The following ITPR2 variants were observed in gnomAD, a reference collection of about 807,000 sequenced individuals.
The protein encoded by ITPR2 is inositol 1,4,5-trisphosphate receptor type 2.
In ITPR2, 207 loss-of-function variants were observed where a neutral mutation model predicts 317.1. The ratio of observed to expected loss-of-function variants is 0.65; its 90% CI spans 0.58 to 0.73. ITPR2 has a LOEUF of 0.73. Ranked by LOEUF, ITPR2 falls within the 30% of genes least tolerant of loss-of-function variation. The probability of loss-of-function intolerance (pLI) is 0.00; values close to 1 mark genes in which losing one functional copy is unlikely to be tolerated. For missense variants in ITPR2, 2,613 were observed against 3,284.0 expected (o/e 0.80, Z 4.99); for synonymous variants, 1,156 against 1,149.1 (o/e 1.01, Z -0.12).
intron 45 of ITPR2, among the ~76,000 whole-genome samples, chr12:26,447,171 G>A (rs1302729559): frequency 6.6e-6 from 1 of 151,792 alleles, no homozygotes; most frequent in Non-Finnish European, 1.5e-5. Context: ...TGAAATCAAT[G>A]AAGAAATGGG....
intron 45 of ITPR2, among the ~76,000 whole-genome samples, chr12:26,445,355 G>A (rs79206730): frequency 0.03 from 4,624 of 152,220 alleles, 113 homozygotes; most frequent in Middle Eastern, 0.068. Context: ...GCTGTGCATG[G>A]AGGGGTCGTC....
At chr12:26,425,867 T>C (rs1941044736) in intron 49 of ITPR2, among the ~76,000 whole-genome samples, 1 of 152,110 alleles carries the variant, frequency 6.6e-6, no homozygotes, top group African/African-American at 2.4e-5. Context: ...CTATGAAGAG[T>C]CATTTGCTAT....
chr12:26,358,117 TGGCTCACGCC>T lies in ITPR2; in HGVS notation c.7858-17799_7858-17790del. On this transcript the variant is annotated intron_variant, in intron 55 of 56. Transcript: ENST00000381340. ...AATAAAGTCGTTCGGCCGGGCGCGG[TGGCTCACGCC>T]TGTAATCCCAGCACTTTGGGAGGCC... is the stretch of plus-strand genomic sequence containing the variant. Among the ~76,000 whole-genome samples, 2 of 340 alleles carry T rather than the reference TGGCTCACGCC, an allele frequency of 5.9e-3. 1 individual carries two copies. The highest frequency in any genetic ancestry group is 6.0e-3 in the African/African-American group (2 of 332). 0.2% of individuals were successfully genotyped at this position (340 alleles called of 152,430 possible).
chr12:26,489,617 C>T lies in ITPR2; in HGVS notation c.5371-2366G>A, dbSNP rs372328802. ...AATACATACAAATCACAAAGAACAG[C>T]GCCTTATATTTAGTAGGTATAATTT... On this transcript the variant is annotated intron_variant, in intron 39 of 56. Transcript: ENST00000381340. Among the ~76,000 whole-genome samples, 13 of 152,286 alleles carry T rather than the reference C, an allele frequency of 8.5e-5. 1 individual carries two copies. The highest frequency in any genetic ancestry group is 1.2e-4 in the African/African-American group (5 of 41,556).
chr12:26,723,060 G>C (rs1051335419), intron 4 of ITPR2, among the ~76,000 whole-genome samples: 3 of 152,084 alleles, frequency 2.0e-5, no homozygotes, highest in South Asian at 2.1e-4. Context: ...TACACCTTCT[G>C]CCAGGGGATG....
intron 55 of ITPR2, among the ~76,000 whole-genome samples, chr12:26,347,539 TA>T (rs1382454802): frequency 3.9e-5 from 6 of 152,188 alleles, no homozygotes; most frequent in Admixed American, 6.5e-5. Context: ...CAAGGTCATA[TA>T]GGTGGTGTTA....
At chr12:26,464,433 G>T (rs1046055182) in intron 45 of ITPR2, among the ~76,000 whole-genome samples, 7 of 152,096 alleles carry the variant, frequency 4.6e-5, no homozygotes, top group African/African-American at 7.2e-5. Context: ...ATCTAATAGC[G>T]CCACTGATCT....
At chr12:26,642,437 G>A (rs374917828) in intron 21 of ITPR2, among the ~76,000 whole-genome samples, 44 of 152,100 alleles carry the variant, frequency 2.9e-4, no homozygotes, top group Admixed American at 4.6e-4. Context: ...TAAGTTTAGC[G>A]CTATCTTGCT....
intron 47 of ITPR2, 52 bp downstream of exon 47, chr12:26,439,074 CA>C: frequency 8.7e-7 from 1 of 1,149,220 alleles, no homozygotes; most frequent in Non-Finnish European, 1.2e-6. Flanking sequence ...CCCAAAGTAC[CA>C]AATTATCTAC....
At chr12:26,378,926 A>G (rs922992421) in intron 55 of ITPR2, among the ~76,000 whole-genome samples, 1 of 152,036 alleles carries the variant, frequency 6.6e-6, no homozygotes, top group African/African-American at 2.4e-5. Flanking sequence ...CCTGTCTCCT[A>G]GCCAGGTCTA....
At chr12:26,619,481 T>G (rs1946447285) in intron 26 of ITPR2, among the ~76,000 whole-genome samples, 1 of 152,154 alleles carries the variant, frequency 6.6e-6, no homozygotes, top group African/African-American at 2.4e-5. Flanking sequence ...ACTCCACTGG[T>G]GTAGAGTTTT....
At chr12:26,566,796 TTA>T (rs1217467323) in intron 34 of ITPR2, among the ~76,000 whole-genome samples, 1 of 152,148 alleles carries the variant, frequency 6.6e-6, no homozygotes, top group Admixed American at 6.5e-5. Context: ...ATATCTCTGT[TTA>T]TGTCTTTCAC....
At chr12:26,757,866 G>C (rs1949555266) in intron 2 of ITPR2, among the ~76,000 whole-genome samples, 1 of 152,210 alleles carries the variant, frequency 6.6e-6, no homozygotes, top group South Asian at 2.1e-4. Flanking sequence ...TTTAGGCAGA[G>C]TCCTTAGCAA....
At chr12:26,757,242 G>A (rs977877320) in intron 2 of ITPR2, among the ~76,000 whole-genome samples, 6 of 148,860 alleles carry the variant, frequency 4.0e-5, no homozygotes, top group Non-Finnish European at 8.9e-5. Context: ...TTGAGATGGA[G>A]TCTCACTCTG....
intron 48 of ITPR2, among the ~76,000 whole-genome samples, chr12:26,428,561 T>G (rs1020635617): frequency 6.6e-6 from 1 of 152,156 alleles, no homozygotes; most frequent in African/African-American, 2.4e-5. Flanking sequence ...CTTTATAAAA[T>G]AGACACATGC....
intron 2 of ITPR2, among the ~76,000 whole-genome samples, chr12:26,766,298 T>G (rs868660051): frequency 9.2e-5 from 13 of 141,598 alleles, no homozygotes; most frequent in South Asian, 2.2e-4. Context: ...TTATTATCTG[T>G]TTTTTTTTTG....
At position 26,427,895 on chromosome 12, in the gene ITPR2, G is replaced by A; in HGVS notation, c.6945+18C>T. 1 of 1,503,902 alleles carries A rather than the reference G, an allele frequency of 6.6e-7. No homozygotes were observed. Among genetic ancestry groups the A allele is most frequent in the Admixed American group, 2.2e-5 (1 of 46,212 alleles). The allele number at this position is 1,503,902 out of a possible 1,614,324, so 93.2% of individuals were successfully genotyped here. On this transcript the variant is annotated intron_variant, in intron 49 of 56. Transcript: ENST00000381340. The stretch of plus-strand genomic sequence containing the variant: ...TAAACTAATTCTGTAACAGTACAAA[G>A]CTAAGTAAAGTACTTACATTAGCTG...
intron 32 of ITPR2, among the ~76,000 whole-genome samples, chr12:26,584,197 G>C (rs1236842564): frequency 6.6e-6 from 1 of 152,168 alleles, no homozygotes; most frequent in Non-Finnish European, 1.5e-5. Context: ...GCAGGGTGGG[G>C]ATGGTCAAGG....
chr12:26,669,875 A>T (rs1165952243), intron 13 of ITPR2, among the ~76,000 whole-genome samples: 1 of 152,216 alleles, frequency 6.6e-6, no homozygotes, highest in Admixed American at 6.5e-5. Flanking sequence ...GGGCTTAAAA[A>T]ACGGCGCACC....
Sources: gnomAD v4.1 joint callset for allele counts (sites outside exome capture counted in the v4.1 genomes callset) on GRCh38, gnomAD v4.1.1 for gene constraint, MANE v1.5 for transcripts, NCBI Gene and HGNC (gene_info 2026-07-23, HGNC 2026-07-21) for gene names.